PRSS55: variants seen among roughly 807,000 people sequenced by gnomAD.
PRSS55 encodes the protein probable serine protease UNQ9391/PRO34284.
Under a neutral mutation model 23.6 loss-of-function variants are expected in PRSS55, and 41 were observed. The observed-to-expected ratio is 1.74, with a 90% confidence interval of 1.35 to 2.26. The LOEUF (loss-of-function observed/expected upper bound fraction) is 2.26. PRSS55 is among the 30% of genes most tolerant of loss of function. PRSS55 has a pLI of 0.00. For synonymous variants in PRSS55, 262 were observed against 175.5 expected, an observed-to-expected ratio of 1.49 and a Z score of -3.90; for missense variants, 669 against 439.1, an observed-to-expected ratio of 1.52 and a Z score of -4.68.
At position 10,529,480 on chromosome 8, in the gene PRSS55, CCTTTCCACTCTCTTT is replaced by C. The variant is rs1371262717; in HGVS notation, c.155-18_155-4del. On this transcript the variant is annotated splice_polypyrimidine_tract_variant and intron_variant, in intron 1 of 4. Transcript: ENST00000328655. Reference sequence around the variant, plus strand: ...ATGCTGACTAAGTGTTTCCCCTTTTCCTTTCCACTCTCTTTCTTTCCACCAGAATGTGGTGACAGA... The same window carrying C: ...ATGCTGACTAAGTGTTTCCCCTTTTCCTTTCCACCAGAATGTGGTGACAGA... The C allele has an allele frequency of 4.1e-5, 66 of 1,611,466 alleles. No homozygotes were observed. Among genetic ancestry groups the C allele is most frequent in the African/African-American group, 8.0e-5 (6 of 74,868 alleles).
At chr8:10,542,594 G>A (rs140111740), downstream of PRSS55, among the ~76,000 whole-genome samples, 1 of 151,968 alleles carries the variant, frequency 6.6e-6, no homozygotes, top group East Asian at 1.9e-4. Flanking sequence ...ACCTGGACAG[G>A]CACGGTGGCT....
downstream of PRSS55, among the ~76,000 whole-genome samples, chr8:10,539,053 GA>G (rs796471138): frequency 0.013 from 1,802 of 133,816 alleles, 22 homozygotes; most frequent in African/African-American, 0.04. Context: ...ACATATAACA[GA>G]AAAAAAAAAA....
chr8:10,544,369 T>G (rs1812759650), intron 4 of PRSS55, among the ~76,000 whole-genome samples: 1 of 151,732 alleles, frequency 6.6e-6, no homozygotes, highest in South Asian at 2.1e-4. Flanking sequence ...TTTGCATAGT[T>G]TATCTGTTTC....
chr8:10,525,614 T>C lies in PRSS55; in HGVS notation c.29T>C (p.Leu10Pro). Residue 10 changes from leucine to proline, a missense_variant, in exon 1 of 5, where the codon CTG (leucine) becomes CCG (proline). Coordinates refer to ENST00000328655, the MANE Select transcript of PRSS55 (RefSeq NM_198464.4). ...CTCCTGTTCTCAGTGTTGCTGCTCC[T>C]GTCCCTGGTCACGGGAACTCAGCTC... MLLFSVLLL[L>P]SLVTGTQLGP... The C allele has an allele frequency of 1.9e-6, 3 of 1,614,132 alleles. No homozygotes were observed. The highest frequency in any genetic ancestry group is 2.5e-6 in the Non-Finnish European group (3 of 1,180,000).
At chr8:10,549,930 T>G (rs1224983994) in intron 4 of PRSS55, among the ~76,000 whole-genome samples, 1 of 152,210 alleles carries the variant, frequency 6.6e-6, no homozygotes, top group Non-Finnish European at 1.5e-5. Flanking sequence ...ATCTTTTATT[T>G]TTAATTTTTG....
chr8:10,534,348 C>A (rs1408583777), intron 4 of PRSS55, among the ~76,000 whole-genome samples: 2 of 152,196 alleles, frequency 1.3e-5, no homozygotes, highest in African/African-American at 4.8e-5. Context: ...CTACACACAT[C>A]TTGACCAGAA....
At chr8:10,543,480 CT>C (rs373955057), downstream of PRSS55, among the ~76,000 whole-genome samples, 63,802 of 108,718 alleles carry the variant, frequency 0.59, 20,446 homozygotes, top group South Asian at 0.74. Flanking sequence ...TTCTTTCTCT[CT>C]TTTTTTTTTT....
intron 4 of PRSS55, among the ~76,000 whole-genome samples, chr8:10,534,319 A>G (rs1235976641): frequency 6.6e-6 from 1 of 152,202 alleles, no homozygotes; most frequent in African/African-American, 2.4e-5. Flanking sequence ...GTATTTCTTT[A>G]TAGTGATGCA....
chr8:10,542,311 A>G (rs1022682202), downstream of PRSS55, among the ~76,000 whole-genome samples: 1 of 151,678 alleles, frequency 6.6e-6, no homozygotes, highest in African/African-American at 2.4e-5. Context: ...GGAAACAACA[A>G]TGTCTGTTGG....
intron 4 of PRSS55, chr8:10,545,031 C>A: frequency 1.0e-6 from 1 of 985,030 alleles, no homozygotes; most frequent in Non-Finnish European, 1.2e-6. Context: ...ACATGGTGGC[C>A]TGCACCTGTG....
At chr8:10,535,504 T>C (rs1812423679) in intron 4 of PRSS55, among the ~76,000 whole-genome samples, 1 of 152,256 alleles carries the variant, frequency 6.6e-6, no homozygotes, top group African/African-American at 2.4e-5. Context: ...TTGGGATAAC[T>C]GGCTAGCCAT....
chr8:10,542,666 A>C (rs1812690904), downstream of PRSS55, among the ~76,000 whole-genome samples: 2 of 151,796 alleles, frequency 1.3e-5, no homozygotes, highest in Non-Finnish European at 2.9e-5. Flanking sequence ...TCAGGAGTTC[A>C]AGACCAGCCT....
chr8:10,536,858 C>G (rs576628981), intron 4 of PRSS55, among the ~76,000 whole-genome samples: 1 of 152,088 alleles, frequency 6.6e-6, no homozygotes, highest in Non-Finnish European at 1.5e-5. Context: ...ACACCAGGAC[C>G]TACTTAAAGG....
chr8:10,543,788 C>T (rs1055074272), downstream of PRSS55, among the ~76,000 whole-genome samples: 27 of 151,718 alleles, frequency 1.8e-4, no homozygotes, highest in African/African-American at 6.3e-4. Flanking sequence ...GCTCTTTTTA[C>T]TCATTGATTA....
In PRSS55 at chr8:10,527,680, G is replaced by A. The variant is rs188924731; in HGVS notation, c.155-1827G>A. Among the ~76,000 whole-genome samples, 22 of 152,322 alleles carry A rather than the reference G, an allele frequency of 1.4e-4. No homozygotes were observed. In the East Asian group the frequency reaches 1.9e-3, roughly 13 times the overall value. On this transcript the variant is annotated intron_variant, in intron 1 of 4. Coordinates refer to ENST00000328655, the MANE Select transcript of PRSS55 (RefSeq NM_198464.4). ...GAGAGCACCAGCTCTGTTGCCAGCC[G>A]GCCTGGGGCTCATATCATAGTTCAG...
chr8:10,554,053 A>C (rs1010919687), exon 5 of PRSS55: 1 of 1,493,344 alleles, frequency 6.7e-7, no homozygotes. Context: ...TTTCTTCTAC[A>C]TGGAGCCATT....
intron 1 of PRSS55, among the ~76,000 whole-genome samples, chr8:10,527,983 C>A (rs755956164): frequency 6.6e-6 from 1 of 152,114 alleles, no homozygotes; most frequent in African/African-American, 2.4e-5. Context: ...GAGGCCGAGG[C>A]GGGCAGATCA....
chr8:10,532,988 A>G lies in PRSS55; in HGVS notation c.681A>G (p.Pro227=), dbSNP rs1269284414. 3.7e-6 allele frequency: 6 copies of G among 1,614,124 alleles called. No homozygotes were observed. Among genetic ancestry groups the G allele is most frequent in the Non-Finnish European group, 5.1e-6 (6 of 1,180,050 alleles). The change falls in exon 4 of 5, where the codon CCA becomes CCG. Residue 227 remains proline (P), a synonymous_variant. Transcript: ENST00000328655. The part of the protein sequence containing the change: ...MDWEECSKMF[P]KLTKNMLCAG... ...GGGAGGAGTGTTCAAAGATGTTTCCAAAACTTACCAAAAATATGCTGTGTG... is the reference window on the plus strand; with the variant it reads ...GGGAGGAGTGTTCAAAGATGTTTCCGAAACTTACCAAAAATATGCTGTGTG...
At chr8:10,526,221 C>G (rs771877538) in intron 1 of PRSS55, among the ~76,000 whole-genome samples, 4 of 152,214 alleles carry the variant, frequency 2.6e-5, no homozygotes, top group Non-Finnish European at 4.4e-5. Context: ...TACCTAGCAA[C>G]TGCTAGGGGT....
Sources: gnomAD v4.1 joint callset for allele counts (sites outside exome capture counted in the v4.1 genomes callset) on GRCh38, gnomAD v4.1.1 for gene constraint, MANE v1.5 for transcripts, NCBI Gene and HGNC (gene_info 2026-07-23, HGNC 2026-07-21) for gene names.